FBRSL1: variants seen among roughly 807,000 people sequenced by gnomAD.
The protein encoded by FBRSL1 is fibrosin-1-like protein.
A neutral mutation model predicts 89.6 loss-of-function variants in FBRSL1; 51 were observed. The observed-to-expected ratio is 0.57, with a 90% CI of 0.45 to 0.72. The LOEUF (loss-of-function observed/expected upper bound fraction) is 0.72. FBRSL1 is among the 30% of genes least tolerant of loss of function. The pLI is 0.00. For missense variants in FBRSL1, 1,618 were observed against 1,451.8 expected, an observed-to-expected ratio of 1.11 and a Z score of -1.86; for synonymous variants, 779 against 681.1, an observed-to-expected ratio of 1.14 and a Z score of -2.24.
At chr12:132,549,780 C>T (rs117647115) in intron 5 of FBRSL1, among the ~76,000 whole-genome samples, 1,773 of 152,324 alleles carry the variant, frequency 0.012, 45 homozygotes, top group East Asian at 0.12. Flanking sequence ...CCAAGGGTAA[C>T]GCCAGCCTCC....
intron 5 of FBRSL1, chr12:132,551,378 G>A (rs74914049): frequency 0.014 from 6,464 of 455,106 alleles, 152 homozygotes; most frequent in East Asian, 0.12. Flanking sequence ...AGCGTCCTGC[G>A]TGGGGTCTGT....
chr12:132,534,194 T>C (rs2036530109), intron 4 of FBRSL1, among the ~76,000 whole-genome samples: 1 of 152,154 alleles, frequency 6.6e-6, no homozygotes, highest in Non-Finnish European at 1.5e-5. Context: ...CTTGGGGTCC[T>C]GGGAGGTGGC....
intron 6 of FBRSL1, 73 bp from the exon 7 acceptor site, chr12:132,569,853 A>T: frequency 8.3e-7 from 1 of 1,205,560 alleles, no homozygotes; most frequent in Non-Finnish European, 1.1e-6. Flanking sequence ...GGCACGTACC[A>T]GGGCTCCCTG....
In FBRSL1 at chr12:132,558,010, GTC is replaced by G. The variant is rs202016316; in HGVS notation, c.646-9469_646-9468del. ...GGGGCTGAGCTAGGGTTCTGCCTGA[GTC>G]TGTCTTCTCTCCTCCCCTCCCCCCG... On this transcript the variant is annotated intron_variant, in intron 5 of 18. Transcript: ENST00000680143. Among the ~76,000 whole-genome samples, 1,306 of 151,974 alleles carry G rather than the reference GTC, an allele frequency of 8.6e-3. 13 individuals are homozygous for G. Among genetic ancestry groups the G allele is most frequent in the African/African-American group, 0.03 (1,258 of 41,336 alleles).
intron 2 of FBRSL1, chr12:132,509,573 TCAC>T (rs1178757851): frequency 1.9e-5 from 23 of 1,229,798 alleles, no homozygotes; most frequent in Non-Finnish European, 2.2e-5. Context: ...TGACCCCGTG[TCAC>T]CACTGCCGGC....
chr12:132,560,384 C>T (rs951569133), intron 5 of FBRSL1, among the ~76,000 whole-genome samples: 9 of 151,970 alleles, frequency 5.9e-5, no homozygotes, highest in Non-Finnish European at 1.2e-4. Context: ...AGACCGCGTC[C>T]TCCCGGGGGC....
intron 1 of FBRSL1, among the ~76,000 whole-genome samples, chr12:132,496,786 G>C (rs2032104169): frequency 6.6e-6 from 1 of 152,184 alleles, no homozygotes; most frequent in Non-Finnish European, 1.5e-5. Context: ...ATCAGGTAGG[G>C]GTGACCCTGC....
At chr12:132,493,424 C>T (rs765004452) in intron 1 of FBRSL1, among the ~76,000 whole-genome samples, 29 of 152,254 alleles carry the variant, frequency 1.9e-4, no homozygotes, top group African/African-American at 6.5e-4. Flanking sequence ...GTAGACTTGC[C>T]GGGGAGGTGC....
intron 6 of FBRSL1, among the ~76,000 whole-genome samples, chr12:132,569,037 T>C (rs1213419676): frequency 1.3e-5 from 2 of 151,956 alleles, no homozygotes; most frequent in Non-Finnish European, 2.9e-5. Context: ...ACAGGAGGCA[T>C]GCGGCACGTG....
chr12:132,514,554 A>T (rs766433005), intron 2 of FBRSL1, among the ~76,000 whole-genome samples: 6 of 152,212 alleles, frequency 3.9e-5, no homozygotes, highest in Non-Finnish European at 8.8e-5. Context: ...TTCCATGCTG[A>T]GCCACAGGCC....
intron 4 of FBRSL1, among the ~76,000 whole-genome samples, chr12:132,542,184 C>T (rs1048488338): frequency 1.4e-4 from 21 of 152,338 alleles, no homozygotes; most frequent in African/African-American, 3.6e-4. Context: ...ACGCAGGACG[C>T]GCCACGGCAC....
At chr12:132,544,809 G>A (rs1176974637) in intron 4 of FBRSL1, among the ~76,000 whole-genome samples, 2 of 151,902 alleles carry the variant, frequency 1.3e-5, no homozygotes, top group Admixed American at 6.6e-5. Flanking sequence ...TGGCAATGGC[G>A]AGGATGATGG....
intron 4 of FBRSL1, among the ~76,000 whole-genome samples, chr12:132,529,648 CTGGG>C (rs1347131561): frequency 5.3e-5 from 8 of 151,632 alleles, no homozygotes; most frequent in African/African-American, 1.9e-4. Flanking sequence ...CTCTGCCACC[CTGGG>C]CTTGGCTCTG....
intron 2 of FBRSL1, among the ~76,000 whole-genome samples, chr12:132,512,826 G>T (rs1350442671): frequency 2.3e-4 from 35 of 152,224 alleles, no homozygotes; most frequent in Non-Finnish European, 1.5e-5. Context: ...GGTCCCTGTG[G>T]CCAACAGCTG....
chr12:132,542,299 G>A (rs1305153973), intron 4 of FBRSL1, among the ~76,000 whole-genome samples: 3 of 152,232 alleles, frequency 2.0e-5, no homozygotes, highest in East Asian at 3.8e-4. Context: ...GGCCACACAT[G>A]CTCAGCCAGG....
At position 132,510,964 on chromosome 12, in the gene FBRSL1, C is replaced by T. The variant is rs146765177; in HGVS notation, c.489+2614C>T. On this transcript the variant is annotated intron_variant, in intron 2 of 18. Transcript: ENST00000680143. The stretch of plus-strand genomic sequence containing the variant: ...TGTGCGTGCTGTGTGTGCATGTGTG[C>T]GAGAGGGTGTGAGAGTGAGTGGCGT... 8,486 of 989,910 alleles carry T rather than the reference C, an allele frequency of 8.6e-3. 34 individuals are homozygous for T. Among genetic ancestry groups the T allele is most frequent in the Non-Finnish European group, 9.4e-3 (7,865 of 833,334 alleles). 61.3% of individuals were successfully genotyped at this position (989,910 alleles called of 1,614,324 possible).
intron 11 of FBRSL1, among the ~76,000 whole-genome samples, chr12:132,573,294 C>T (rs1205945396): frequency 1.3e-5 from 2 of 152,214 alleles, no homozygotes; most frequent in East Asian, 1.9e-4. Flanking sequence ...AGCGCCCACT[C>T]ATTGCCCACA....
At chr12:132,510,947 C>G in intron 2 of FBRSL1, 1 of 993,372 alleles carries the variant, frequency 1.0e-6, no homozygotes, top group Non-Finnish European at 1.2e-6. Context: ...TGTGTGCGTG[C>G]TGTGTGTGCA....
intron 6 of FBRSL1, among the ~76,000 whole-genome samples, chr12:132,568,140 A>G (rs964522935): frequency 5.9e-5 from 9 of 152,120 alleles, no homozygotes; most frequent in African/African-American, 2.2e-4. Context: ...GGATAGCCCC[A>G]GCGTCTTCTT....
Sources: allele counts gnomAD v4.1 joint callset (sites outside exome capture counted in the v4.1 genomes callset), GRCh38; gene constraint gnomAD v4.1.1; transcripts MANE v1.5; gene names NCBI Gene and HGNC (gene_info 2026-07-23, HGNC 2026-07-21).